The following INPP4A variants were observed in gnomAD, a reference collection of about 807,000 sequenced individuals.
INPP4A encodes inositol polyphosphate-4-phosphatase, type I, 107kD.
INPP4A carries 33 observed loss-of-function variants against 119.8 expected under a neutral mutation model. The ratio of observed to expected loss-of-function variants is 0.28; its 90% CI spans 0.21 to 0.37. INPP4A has a LOEUF of 0.37. Among genes scored for constraint, INPP4A ranks in the 10% least tolerant of loss-of-function variants. INPP4A has a pLI of 1.00. For synonymous variants in INPP4A, 496 were observed against 500.7 expected (o/e 0.99, Z 0.12); for missense variants, 956 against 1,289.9 (o/e 0.74, Z 3.97).
At chr2:98,555,219 G>T (rs1694230953) in intron 15 of INPP4A, among the ~76,000 whole-genome samples, 1 of 152,160 alleles carries the variant, frequency 6.6e-6, no homozygotes, top group South Asian at 2.1e-4. Context: ...TGTGTGTGAT[G>T]ATTGTAGGAA....
At chr2:98,541,745 C>T (rs1237413101) in intron 10 of INPP4A, among the ~76,000 whole-genome samples, 1 of 152,152 alleles carries the variant, frequency 6.6e-6, no homozygotes, top group Admixed American at 6.5e-5. Context: ...CCACTATGCC[C>T]AGCTAATTTT....
chr2:98,546,251 T>C lies in INPP4A; in HGVS notation c.1054+178T>C, dbSNP rs941281658. On this transcript the variant is annotated intron_variant, in intron 12 of 24. Transcript: ENST00000409851. This position sits in a 1 kb window ranked among gnomAD's most constrained non-coding sequence, Gnocchi z 4.2. The stretch of plus-strand genomic sequence containing the variant: ...TGATAACAGCCCACACCCCTTCCTT[T>C]TGTCTCTCCTCACTCTAGCTTCCCT... 6.6e-6 allele frequency among the ~76,000 whole-genome samples: 1 copy of C among 152,190 alleles called. No homozygotes were observed. The highest frequency in any genetic ancestry group is 6.5e-5 in the Admixed American group (1 of 15,276).
At chr2:98,560,918 G>A (rs1369303200) in intron 17 of INPP4A, among the ~76,000 whole-genome samples, 1 of 152,260 alleles carries the variant, frequency 6.6e-6, no homozygotes, top group Non-Finnish European at 1.5e-5. Context: ...TGCCTGGCCT[G>A]TAGAGCCCTC....
chr2:98,496,882 A>C (rs931815960), intron 1 of INPP4A, among the ~76,000 whole-genome samples: 1 of 152,206 alleles, frequency 6.6e-6, no homozygotes, highest in African/African-American at 2.4e-5. Flanking sequence ...TTCTACTGCT[A>C]TCTGCTTTAT....
rs1453136068 is a variant in INPP4A at position 98,458,036 on chromosome 2, C to T, written c.-166+12951C>T. On this transcript the variant is annotated intron_variant, in intron 1 of 24. Coordinates refer to ENST00000409851, the MANE Select transcript of INPP4A (RefSeq NM_001134225.2). ...GTCTTGTTATGTTGCCCAGGCTGGT[C>T]TGGAACTCCTGGCCTCAAATGATCC... Among the ~76,000 whole-genome samples, 4 of 138,328 alleles carry T rather than the reference C, an allele frequency of 2.9e-5. No homozygotes were observed. The East Asian group carries it at 8.4e-4, about 29-fold the overall frequency. The allele number at this position is 138,328 out of a possible 152,430, so 90.7% of individuals were successfully genotyped here. A position where few individuals can be genotyped will look rare whatever the true frequency, so the allele number is the denominator to read the frequency against.
intron 1 of INPP4A, among the ~76,000 whole-genome samples, chr2:98,499,813 T>G (rs1423772959): frequency 6.6e-6 from 1 of 152,234 alleles, no homozygotes; most frequent in Admixed American, 6.5e-5. Flanking sequence ...AAGGACAGTA[T>G]TCTCCTTTAT....
intron 1 of INPP4A, among the ~76,000 whole-genome samples, chr2:98,461,057 C>T (rs898554600): frequency 2.6e-5 from 4 of 152,166 alleles, no homozygotes; most frequent in Admixed American, 1.3e-4. Flanking sequence ...ACGCCCTTCC[C>T]GTGACCTCAT....
rs754470276 is a variant in INPP4A at position 98,577,142 on chromosome 2, A to AGGTGAGTGCCGC, written c.2786_2786+11dup. The AGGTGAGTGCCGC allele has an allele frequency of 1.9e-6, 3 of 1,604,470 alleles. No individual in the cohort carries two copies. The African/African-American group carries it at 4.0e-5, about 21-fold the overall frequency. ...CACCCAGGCCCTGGAGTGCATGCGCAGGTGAGTGCCGCAGCCAGGCCGCGC... is the reference window on the plus strand; with the variant it reads ...CACCCAGGCCCTGGAGTGCATGCGCAGGTGAGTGCCGCGGTGAGTGCCGCAGCCAGGCCGCGC... On this transcript the variant is annotated stop_gained and protein_altering_variant and splice_region_variant, in exon 24 of 25. Coordinates refer to ENST00000409851, the MANE Select transcript of INPP4A (RefSeq NM_001134225.2). LOFTEE classifies it high-confidence loss of function.
At chr2:98,548,787 G>GAATA (rs1418066092) in intron 13 of INPP4A, among the ~76,000 whole-genome samples, 1 of 152,136 alleles carries the variant, frequency 6.6e-6, no homozygotes, top group African/African-American at 2.4e-5. Context: ...CTGCTCTAAG[G>GAATA]AATAAGCACA....
intron 8 of INPP4A, among the ~76,000 whole-genome samples, chr2:98,538,514 A>G (rs1002795153): frequency 2.0e-5 from 3 of 152,222 alleles, no homozygotes; most frequent in Non-Finnish European, 4.4e-5. Context: ...TCAGAGCCCT[A>G]GCGCTGGTAA....
At chr2:98,470,289 G>A (rs1157132180) in intron 1 of INPP4A, among the ~76,000 whole-genome samples, 1 of 152,256 alleles carries the variant, frequency 6.6e-6, no homozygotes, top group Non-Finnish European at 1.5e-5. Context: ...AGTGGTGCAG[G>A]TGGGGAGACC....
In INPP4A at chr2:98,566,083, C is replaced by T; in HGVS notation, c.2334C>T (p.Pro778=). The T allele has an allele frequency of 6.2e-7, 1 of 1,601,950 alleles. No individual in the cohort carries two copies. The highest frequency in any genetic ancestry group is 8.5e-7 in the Non-Finnish European group (1 of 1,174,756). Residue 778 remains proline (P), a synonymous_variant, in exon 21 of 25, where the codon CCC becomes CCT. Transcript: ENST00000409851. This position sits in a 1 kb window ranked among gnomAD's most constrained non-coding sequence, Gnocchi z 4.2. ...CGGGCCCGCTGTTTGACGCCTTGCC[C>T]CGGGAGATCCAGAGTGGCATGCTGC... ...PLPGPLFDAL[P]REIQSGMLLR... is the part of the protein sequence containing the mutation.
intron 5 of INPP4A, among the ~76,000 whole-genome samples, chr2:98,535,446 G>A (rs941417504): frequency 6.6e-6 from 1 of 152,222 alleles, no homozygotes; most frequent in Non-Finnish European, 1.5e-5. Context: ...CCTGTTGAGT[G>A]TGAAACCCAT....
intron 4 of INPP4A, among the ~76,000 whole-genome samples, chr2:98,526,082 T>C (rs1168485413): frequency 2.0e-5 from 3 of 152,118 alleles, no homozygotes; most frequent in Non-Finnish European, 2.9e-5. Flanking sequence ...ATAAATAAAT[T>C]GTACAATGGA....
At chr2:98,500,000 A>G (rs911921933) in intron 1 of INPP4A, among the ~76,000 whole-genome samples, 1 of 152,188 alleles carries the variant, frequency 6.6e-6, no homozygotes, top group African/African-American at 2.4e-5. Flanking sequence ...TGGCAGACTC[A>G]TATCTAATTC....
rs749732425 is a variant in INPP4A at position 98,565,636 on chromosome 2, C to T, written c.2153-4C>T. ...TGACAGCCCTGCCCCTCTCTCATGT[C>T]CAGGGGAGGAGCTGGCAATGCTGGA... On this transcript the variant is annotated splice_polypyrimidine_tract_variant and splice_region_variant and intron_variant, in intron 19 of 24. Coordinates refer to ENST00000409851, the MANE Select transcript of INPP4A (RefSeq NM_001134225.2). 5 of 1,605,286 alleles carry T rather than the reference C, an allele frequency of 3.1e-6. No individual in the cohort carries two copies. Among genetic ancestry groups the T allele is most frequent in the Non-Finnish European group, 4.3e-6 (5 of 1,173,496 alleles).
intron 24 of INPP4A, among the ~76,000 whole-genome samples, chr2:98,587,068 T>G (rs1700030627): frequency 6.6e-6 from 1 of 152,260 alleles, no homozygotes; most frequent in African/African-American, 2.4e-5. Flanking sequence ...GTCCGGCTCT[T>G]TAAAGCTCTG....
intron 1 of INPP4A, among the ~76,000 whole-genome samples, chr2:98,473,489 G>A (rs1676578490): frequency 6.6e-6 from 1 of 151,988 alleles, no homozygotes. Context: ...AGGGCAGTGT[G>A]GGTGCAGTTG....
intron 4 of INPP4A, among the ~76,000 whole-genome samples, chr2:98,527,860 G>T (rs1222780535): frequency 6.6e-6 from 1 of 152,140 alleles, no homozygotes; most frequent in Non-Finnish European, 1.5e-5. Context: ...ATCAGAAAAG[G>T]CACTGAAGAA....
Sources: gnomAD v4.1 joint callset for allele counts (sites outside exome capture counted in the v4.1 genomes callset) on GRCh38, gnomAD v4.1.1 for gene constraint, Gnocchi (gnomAD v3.1) non-coding constraint, MANE v1.5 for transcripts, NCBI Gene and HGNC (gene_info 2026-07-23, HGNC 2026-07-21) for gene names.